The following NADSYN1 variants were observed in gnomAD, a reference collection of about 807,000 sequenced individuals.
NADSYN1 encodes the protein glutamine-dependent NAD(+) synthetase.
Under a neutral mutation model 99.3 loss-of-function variants are expected in NADSYN1, and 80 were observed. The observed-to-expected ratio is 0.81, with a 90% confidence interval of 0.67 to 0.97. The LOEUF (loss-of-function observed/expected upper bound fraction) is 0.97, where lower values mean the gene tolerates loss of function less well. Ranked by LOEUF, NADSYN1 falls within the 50% of genes least tolerant of loss-of-function variation. The probability of loss-of-function intolerance (pLI) is 0.00; values close to 1 mark genes in which losing one functional copy is unlikely to be tolerated. For synonymous variants in NADSYN1, 385 were observed against 372.1 expected, an observed-to-expected ratio of 1.03 and a Z score of -0.40; for missense variants, 859 against 948.5, an observed-to-expected ratio of 0.91 and a Z score of 1.24.
chr11:71,455,027 C>G (rs1345660095), intron 1 of NADSYN1, 83 bp from the exon 2 acceptor site: 1 of 1,013,610 alleles, frequency 9.9e-7, no homozygotes, highest in Non-Finnish European at 1.5e-6. Context: ...TTTATCCTAC[C>G]TACTGCAGCA....
At chr11:71,473,498 C>T (rs752059101) in intron 7 of NADSYN1, 71 bp from the exon 8 acceptor site, 5 of 1,535,028 alleles carry the variant, frequency 3.3e-6, no homozygotes, top group Admixed American at 3.4e-5. Context: ...TGGGAGAGTG[C>T]AAGGGGCTGC....
Position 71,497,537 on chromosome 11 carries a change from G to T in NADSYN1, c.1819G>T (p.Val607Leu). ...CTCGGTCTATGGGAAACTCAGGAAG[G>T]TGGCCAAGATGGGGCCCTACAGCAT... ...ELSVYGKLRKVAKMGPYSMFC... is the reference protein window; with the variant it reads ...ELSVYGKLRKLAKMGPYSMFC... Residue 607 changes from valine to leucine, a missense_variant, in exon 19 of 21, where the codon GTG becomes TTG. Coordinates refer to ENST00000319023, the MANE Select transcript of NADSYN1 (RefSeq NM_018161.5). 1 of 1,614,132 alleles carries T rather than the reference G, an allele frequency of 6.2e-7. No individual in the cohort carries two copies. Among genetic ancestry groups the T allele is most frequent in the African/African-American group, 1.3e-5 (1 of 75,012 alleles).
In NADSYN1 at chr11:71,498,529, GTA is replaced by G. The variant is rs776671648; in HGVS notation, c.2070+2_2070+3del. On this transcript the variant is annotated splice_donor_variant and splice_donor_region_variant and intron_variant, in intron 20 of 20. Transcript: ENST00000319023. LOFTEE classifies it high-confidence loss of function. ...GCAGTTTCGGTGCATAGAAAATCAG[GTA>G]AATCCAGCAGAAATGTTTCTCTCTC... is the stretch of plus-strand genomic sequence containing the variant. The G allele has an allele frequency of 6.2e-7, 1 of 1,613,344 alleles. No individual in the cohort carries two copies.
At position 71,479,809 on chromosome 11, in the gene NADSYN1, T is replaced by G. The variant is rs1033933396; in HGVS notation, c.874-946T>G. ...GTGCCCCCTGCAAAACTCACTGATA[T>G]GAAGAGTCGGCCCTCTGTATCCATG... On this transcript the variant is annotated intron_variant, in intron 10 of 20. Coordinates refer to ENST00000319023, the MANE Select transcript of NADSYN1 (RefSeq NM_018161.5). The G allele has an allele frequency of 2.0e-5, 3 of 152,388 alleles. No homozygotes were observed. The South Asian group carries it at 6.2e-4, about 32-fold the overall frequency. 9.4% of individuals were successfully genotyped at this position (152,388 alleles called of 1,614,324 possible).
rs201214062 is a variant in NADSYN1, at chr11:71,478,445, G to A, written c.849G>A (p.Ala283=). The change falls in exon 10 of 21, where the codon GCG becomes GCA. Residue 283 remains alanine (A), a synonymous_variant. Coordinates refer to ENST00000319023, the MANE Select transcript of NADSYN1 (RefSeq NM_018161.5). The part of the protein sequence containing the change: ...LDLEDVRSYR[A]EISSRNLAAS... ...TGGAGGACGTCCGGAGCTACAGGGC[G>A]GAGATTTCATCTCGAAACCTGGCGG... The A allele has an allele frequency of 3.7e-5, 59 of 1,608,652 alleles. No homozygotes were observed. In the East Asian group the frequency reaches 5.1e-4, roughly 14 times the overall value.
intron 16 of NADSYN1, among the ~76,000 whole-genome samples, chr11:71,490,575 T>C (rs1317494320): frequency 6.6e-6 from 1 of 152,098 alleles, no homozygotes; most frequent in Non-Finnish European, 1.5e-5. Context: ...GTCCCTCAGC[T>C]CTGTTCAGAC....
intron 9 of NADSYN1, chr11:71,476,672 A>T: frequency 1.0e-6 from 1 of 985,244 alleles, no homozygotes; most frequent in Non-Finnish European, 1.2e-6. Flanking sequence ...AAGGGCTTTG[A>T]AGAGAAGGAT....
intron 13 of NADSYN1, among the ~76,000 whole-genome samples, 182 bp downstream of exon 13, chr11:71,482,207 C>T (rs1010500932): frequency 1.3e-5 from 2 of 152,210 alleles, no homozygotes; most frequent in Non-Finnish European, 2.9e-5. Context: ...GGCAGCAAGG[C>T]CATCAGTAGC....
At chr11:71,477,192 G>C in intron 9 of NADSYN1, 1 of 1,179,406 alleles carries the variant, frequency 8.5e-7, no homozygotes, top group Non-Finnish European at 1.1e-6. Flanking sequence ...TTTCCGGCTT[G>C]TCGTGTGCCT....
chr11:71,501,222 G>T, intron 20 of NADSYN1, 80 bp from the exon 21 acceptor site: 1 of 1,324,324 alleles, frequency 7.6e-7, no homozygotes. Flanking sequence ...CTTGTGACCC[G>T]CTTTTGGTGC....
intron 1 of NADSYN1, among the ~76,000 whole-genome samples, chr11:71,454,899 G>A (rs75288368): frequency 2.0e-4 from 6 of 30,652 alleles, no homozygotes; most frequent in Admixed American, 7.9e-4. Flanking sequence ...AGGCGTACTC[G>A]TGTATACAGG....
chr11:71,464,289 A>C, intron 5 of NADSYN1, 147 bp downstream of exon 5: 1 of 652,292 alleles, frequency 1.5e-6, no homozygotes, highest in Non-Finnish European at 2.6e-6. Context: ...AAGCACAAAG[A>C]AAGCCAAAAA....
rs548629997 is a variant in NADSYN1, at chr11:71,493,201, T to G, written c.1764+1298T>G. Among the ~76,000 whole-genome samples, 50 of 152,324 alleles carry G rather than the reference T, an allele frequency of 3.3e-4. 1 individual carries two copies. The South Asian group carries it at 9.9e-3, about 30-fold the overall frequency. On this transcript the variant is annotated intron_variant, in intron 18 of 20. Transcript: ENST00000319023. ...GAGCCACTGAGCCCGGCCTCTAATG[T>G]CTTTCAACAGTGTTTTTTCTAGTTC...
At chr11:71,478,620 G>T (rs1949685441) in intron 10 of NADSYN1, 151 bp downstream of exon 10, 2 of 689,418 alleles carry the variant, frequency 2.9e-6, no homozygotes, top group Non-Finnish European at 5.0e-6. Flanking sequence ...AAAGGGGCTG[G>T]TGCCGCAGAC....
intron 1 of NADSYN1, among the ~76,000 whole-genome samples, chr11:71,454,673 G>A (rs1271479205): frequency 1.3e-5 from 2 of 152,194 alleles, no homozygotes; most frequent in Non-Finnish European, 2.9e-5. Context: ...CCAGTAAGCC[G>A]ATGGTGCCTG....
At chr11:71,460,024 G>C (rs926158492) in intron 3 of NADSYN1, 1 of 152,372 alleles carries the variant, frequency 6.6e-6, no homozygotes, top group African/African-American at 2.4e-5. Flanking sequence ...GAGGATCTGC[G>C]TCCCTGCCTT....
At chr11:71,491,030 C>T (rs201908733) in intron 17 of NADSYN1, 54 bp downstream of exon 17, 947 of 1,606,178 alleles carry the variant, frequency 5.9e-4, no homozygotes, top group Non-Finnish European at 6.7e-4. Flanking sequence ...TCTCCCAGCA[C>T]GGCCCCGGCC....
At chr11:71,496,427 G>A (rs1480723502) in intron 18 of NADSYN1, 11 of 152,230 alleles carry the variant, frequency 7.2e-5, no homozygotes, top group Admixed American at 7.2e-4. Context: ...TAGATCCCTC[G>A]CTTGCACAGT....
rs544795395 is a variant in NADSYN1 at position 71,474,825 on chromosome 11, G to T, written c.798+299G>T. Reference sequence around the variant, plus strand: ...TGATGGCCTCAAATTTACCTGGTTGGTGAGGGGGGACCTCCCGCCCTCGGG... The same window carrying T: ...TGATGGCCTCAAATTTACCTGGTTGTTGAGGGGGGACCTCCCGCCCTCGGG... On this transcript the variant is annotated intron_variant, in intron 9 of 20. Coordinates refer to ENST00000319023, the MANE Select transcript of NADSYN1 (RefSeq NM_018161.5). 11 of 400,350 alleles carry T rather than the reference G, an allele frequency of 2.7e-5. No individual in the cohort carries two copies. The East Asian group carries it at 6.3e-4, about 23-fold the overall frequency. 24.8% of individuals were successfully genotyped at this position (400,350 alleles called of 1,614,324 possible). A position where few individuals can be genotyped will look rare whatever the true frequency, so the allele number is the denominator to read the frequency against.
Sources: gnomAD v4.1 joint callset for allele counts (sites outside exome capture counted in the v4.1 genomes callset) on GRCh38, gnomAD v4.1.1 for gene constraint, MANE v1.5 for transcripts, NCBI Gene and HGNC (gene_info 2026-07-23, HGNC 2026-07-21) for gene names.